The following SAG variants were observed in gnomAD, a reference collection of about 807,000 sequenced individuals.
SAG encodes the protein S-antigen visual arrestin.
A neutral mutation model predicts 55.0 loss-of-function variants in SAG; 45 were observed. The ratio of observed to expected loss-of-function variants is 0.82; its 90% CI spans 0.64 to 1.05. The LOEUF (loss-of-function observed/expected upper bound fraction) is 1.05. Ranked by LOEUF, SAG falls within the 50% of genes least tolerant of loss-of-function variation. SAG has a pLI of 0.00. For synonymous variants in SAG, 189 were observed against 197.4 expected (o/e 0.96, Z 0.36); for missense variants, 455 against 512.1 (o/e 0.89, Z 1.08).
intron 2 of SAG, among the ~76,000 whole-genome samples, chr2:233,313,707 G>T (rs1037544373): frequency 1.5e-5 from 2 of 133,432 alleles, no homozygotes; most frequent in Non-Finnish European, 1.5e-5. Context: ...CACCTTGCCC[G>T]GGCTAATCTT....
At chr2:233,335,171 C>T (rs1700884929) in intron 11 of SAG, 72 bp downstream of exon 11, 2 of 1,543,104 alleles carry the variant, frequency 1.3e-6, no homozygotes, top group African/African-American at 1.4e-5. Flanking sequence ...CTTCACATCA[C>T]CCTGCTGGGC....
rs1218725435 is a variant in SAG, at chr2:233,338,690, T to C, written c.959T>C (p.Ile320Thr). ...TGTTTGGGCAGCATTAAGGAGGGCA[T>C]AGACCGGACCGTCCTGGGAATCCTG... is the stretch of plus-strand genomic sequence containing the variant. ...LASSTIIKEG[I>T]DRTVLGILVS... Residue 320 changes from isoleucine (I) to threonine (T), a missense_variant, in exon 12 of 16, where the codon ATA (isoleucine) becomes ACA (threonine). Physicochemically the swap from Ile to Thr is moderately conservative, Grantham distance 89 (BLOSUM62 -1). Coordinates refer to ENST00000409110, the MANE Select transcript of SAG (RefSeq NM_000541.5). 1.2e-5 allele frequency: 19 copies of C among 1,613,782 alleles called. No homozygotes were observed. The highest frequency in any genetic ancestry group is 1.4e-5 in the Non-Finnish European group (17 of 1,179,846).
chr2:233,338,509 C>G, intron 11 of SAG, 167 bp from the exon 12 acceptor site: 1 of 640,366 alleles, frequency 1.6e-6, no homozygotes, highest in Non-Finnish European at 2.8e-6. Flanking sequence ...AGTCCCCATA[C>G]CCACTCCCCA....
At position 233,331,676 on chromosome 2, in the gene SAG, A is replaced by T. The variant is rs1700767581; in HGVS notation, c.770A>T (p.Asp257Val). 1 of 1,613,766 alleles carries T rather than the reference A, an allele frequency of 6.2e-7. No homozygotes were observed. The highest frequency in any genetic ancestry group is 8.5e-7 in the Non-Finnish European group (1 of 1,179,784). ...QVANVVLYSS[D>V]YYVKPVAMEE... ...GCCAATGTGGTTCTCTACTCGAGTG[A>T]TTATTACGTCAAGCCCGTGGCTATG... The change falls in exon 10 of 16, where the codon GAT (aspartate) becomes GTT (valine). Residue 257 changes from aspartate (D) to valine (V), a missense_variant. By Grantham distance (152) the Asp-to-Val change is radical (BLOSUM62 -3). Coordinates refer to ENST00000409110, the MANE Select transcript of SAG (RefSeq NM_000541.5).
In SAG at chr2:233,329,482, G is replaced by A. The variant is rs1185464848; in HGVS notation, c.649-11G>A. On this transcript the variant is annotated splice_polypyrimidine_tract_variant and intron_variant, in intron 8 of 15. Coordinates refer to ENST00000409110, the MANE Select transcript of SAG (RefSeq NM_000541.5). ...GTTCTCTTCTTCTGACCTATCTGCT[G>A]ACTTTTCTAGATCTATTTCCATGGG... The A allele has an allele frequency of 3.8e-6, 6 of 1,588,746 alleles. No homozygotes were observed. Among genetic ancestry groups the A allele is most frequent in the East Asian group, 2.2e-5 (1 of 44,758 alleles).
At chr2:233,310,750 G>A (rs572482359) in intron 2 of SAG, among the ~76,000 whole-genome samples, 8 of 152,014 alleles carry the variant, frequency 5.3e-5, no homozygotes, top group Admixed American at 2.6e-4. Flanking sequence ...CAGGTGATCC[G>A]CCCATCTTGG....
In SAG at chr2:233,342,259, C is replaced by CT; in HGVS notation, c.1047-5dup. 16 of 1,596,738 alleles carry CT rather than the reference C, an allele frequency of 1.0e-5. No homozygotes were observed. Among genetic ancestry groups the CT allele is most frequent in the Admixed American group, 1.7e-5 (1 of 57,702 alleles). On this transcript the variant is annotated splice_polypyrimidine_tract_variant and intron_variant, in intron 13 of 15. Coordinates refer to ENST00000409110, the MANE Select transcript of SAG (RefSeq NM_000541.5). Reference sequence around the variant, plus strand: ...ATGGGTGTTCACACCAATCTTCATTCTTTTTTTCTAGTGAAGTCGCCACTG... The same window carrying CT: ...ATGGGTGTTCACACCAATCTTCATTCTTTTTTTTCTAGTGAAGTCGCCACTG...
In SAG at chr2:233,316,143, G is replaced by C. The variant is rs768754201; in HGVS notation, c.136+8G>C. 32 of 1,558,546 alleles carry C rather than the reference G, an allele frequency of 2.1e-5. No individual in the cohort carries two copies. The Admixed American group carries it at 5.6e-4, about 27-fold the overall frequency. On this transcript the variant is annotated splice_region_variant and intron_variant, in intron 3 of 15. Transcript: ENST00000409110. ...GCCAAGTCCAGCCTGTGGGTAAGTT[G>C]CTTGGAGAAAACTGTAATGCTGGTT... is the stretch of plus-strand genomic sequence containing the variant.
chr2:233,318,393 A>AT (rs904691731), intron 3 of SAG, among the ~76,000 whole-genome samples: 2 of 151,636 alleles, frequency 1.3e-5, no homozygotes, highest in Non-Finnish European at 2.9e-5. Flanking sequence ...CTGCTGGCTA[A>AT]TTTTTTTTAA....
At chr2:233,344,362 G>T (rs1701192396) in intron 14 of SAG, 1 of 152,150 alleles carries the variant, frequency 6.6e-6, no homozygotes, top group Admixed American at 6.5e-5. Context: ...GTAGAGATGG[G>T]TTTTCACCAT....
intron 14 of SAG, chr2:233,345,374 T>A (rs1376649876): frequency 6.6e-6 from 1 of 152,196 alleles, no homozygotes; most frequent in Non-Finnish European, 1.5e-5. Flanking sequence ...CAGATGGAGG[T>A]GCCAGGGTGC....
intron 9 of SAG, chr2:233,331,382 G>C (rs1442628163): frequency 1.9e-6 from 1 of 539,020 alleles, no homozygotes; most frequent in Non-Finnish European, 3.3e-6. Flanking sequence ...GGGAAAGGAG[G>C]GGTCTCCCAG....
At position 233,327,422 on chromosome 2, in the gene SAG, C is replaced by T. The variant is rs1015624891; in HGVS notation, c.512+225C>T. ...CAACCTCCAGGGCTCACGTAAGCCCCGAAAAGCTCCCGGGTTTCCCCTTTG... is the reference window on the plus strand; with the variant it reads ...CAACCTCCAGGGCTCACGTAAGCCCTGAAAAGCTCCCGGGTTTCCCCTTTG... On this transcript the variant is annotated intron_variant, in intron 7 of 15. Coordinates refer to ENST00000409110, the MANE Select transcript of SAG (RefSeq NM_000541.5). The T allele has an allele frequency of 1.7e-4, 69 of 407,892 alleles. No individual in the cohort carries two copies. In the East Asian group the frequency reaches 2.4e-3, roughly 14 times the overall value. The allele number at this position is 407,892 out of a possible 1,614,324, so 25.3% of individuals were successfully genotyped here. A position where few individuals can be genotyped will look rare whatever the true frequency, so the allele number is the denominator to read the frequency against.
chr2:233,342,769 T>C, intron 14 of SAG: 1 of 173,424 alleles, frequency 5.8e-6, no homozygotes, highest in South Asian at 1.2e-4. Context: ...ATAATTTTTT[T>C]TTTTTTTTGA....
rs1237999640 is a variant in SAG, at chr2:233,318,786, G to C, written c.172G>C (p.Gly58Arg). 3 of 1,613,644 alleles carry C rather than the reference G, an allele frequency of 1.9e-6. No individual in the cohort carries two copies. In the African/African-American group the frequency reaches 4.0e-5, roughly 22 times the overall value. The stretch of plus-strand genomic sequence containing the variant: ...GTTGGTTGATCCTGATCTTGTGAAG[G>C]GAAAGAAAGGTGAGATGAAGCCCCT... ...VVLVDPDLVK[G>R]KKVYVTLTCA... is the part of the protein sequence containing the mutation. The change falls in exon 4 of 16, where the codon GGA becomes CGA. Residue 58 changes from glycine to arginine, a missense_variant. By Grantham distance (125) the Gly-to-Arg change is moderately radical. Coordinates refer to ENST00000409110, the MANE Select transcript of SAG (RefSeq NM_000541.5).
At chr2:233,312,902 A>G (rs2125321226) in intron 2 of SAG, among the ~76,000 whole-genome samples, 1 of 152,308 alleles carries the variant, frequency 6.6e-6, no homozygotes, top group East Asian at 1.9e-4. Context: ...CCAGGGGCAC[A>G]ATTGCCAGTT....
chr2:233,343,787 G>C, intron 14 of SAG: 1 of 1,020,768 alleles, frequency 9.8e-7, no homozygotes, highest in Non-Finnish European at 1.2e-6. Context: ...AAGTAAAAGT[G>C]GTATAAACAA....
intron 4 of SAG, 89 bp downstream of exon 4, chr2:233,318,884 G>T (rs746824166): frequency 9.2e-7 from 1 of 1,084,174 alleles, no homozygotes; most frequent in Non-Finnish European, 1.4e-6. Flanking sequence ...TACATGGAAG[G>T]AGAGACAGGA....
At chr2:233,342,501 A>G in intron 14 of SAG, 175 bp downstream of exon 14, 1 of 630,218 alleles carries the variant, frequency 1.6e-6, no homozygotes. Context: ...CCATCTGTTC[A>G]GCGCTGAGCC....
Sources: gnomAD v4.1 joint callset for allele counts (sites outside exome capture counted in the v4.1 genomes callset) on GRCh38, gnomAD v4.1.1 for gene constraint, MANE v1.5 for transcripts, NCBI Gene and HGNC (gene_info 2026-07-23, HGNC 2026-07-21) for gene names.